The following VAMP7 variants were observed in gnomAD, a reference collection of about 807,000 sequenced individuals.
VAMP7 encodes vesicle-associated membrane protein 7.
VAMP7 carries 14 observed loss-of-function variants against 29.6 expected under a neutral mutation model. That is an observed-to-expected ratio of 0.47 (90% CI 0.31 to 0.74). The LOEUF (loss-of-function observed/expected upper bound fraction) is 0.74, where lower values mean the gene tolerates loss of function less well. VAMP7 is among the 30% of genes least tolerant of loss of function. VAMP7 has a pLI of 0.05. For missense variants in VAMP7, 223 were observed against 262.4 expected (o/e 0.85, Z 1.04); for synonymous variants, 95 against 88.1 (o/e 1.08, Z -0.44).
At chrX:155,899,645 T>A (rs140690594) in intron 4 of VAMP7, among the ~76,000 whole-genome samples, 2,530 of 152,024 alleles carry the variant, frequency 0.017, 83 homozygotes, top group African/African-American at 0.058. Context: ...TGTTTCATAC[T>A]CCCCACTAGG....
At position 155,895,608 on chromosome X, in the gene VAMP7, TC is replaced by T. The variant is rs1314809340; in HGVS notation, c.147-14del. The T allele has an allele frequency of 6.3e-7, 1 of 1,593,606 alleles. No individual in the cohort carries two copies. The highest frequency in any genetic ancestry group is 8.6e-7 in the Non-Finnish European group (1 of 1,161,716). On this transcript the variant is annotated splice_polypyrimidine_tract_variant and intron_variant, in intron 2 of 7. Coordinates refer to ENST00000286448, the MANE Select transcript of VAMP7 (RefSeq NM_005638.6). Reference sequence around the variant, plus strand: ...GCTTATAACCACAGTAAGTTTTATATCTTTTATTCTACAGTTATTTGTTTCA... The same window carrying T: ...GCTTATAACCACAGTAAGTTTTATATTTTTATTCTACAGTTATTTGTTTCA...
chrX:155,933,667 A>C (rs2066601013), intron 6 of VAMP7, among the ~76,000 whole-genome samples: 1 of 152,066 alleles, frequency 6.6e-6, no homozygotes, highest in Non-Finnish European at 1.5e-5. Context: ...TCCTGGATTC[A>C]TTGATTTCTT....
chrX:155,938,055 T>C (rs1166749851), intron 6 of VAMP7, among the ~76,000 whole-genome samples: 1 of 152,222 alleles, frequency 6.6e-6, no homozygotes, highest in Non-Finnish European at 1.5e-5. Flanking sequence ...TCTAATTTTT[T>C]ATGTCCTCTG....
intron 6 of VAMP7, among the ~76,000 whole-genome samples, chrX:155,923,737 G>C (rs1477273623): frequency 6.6e-6 from 1 of 151,822 alleles, no homozygotes; most frequent in Non-Finnish European, 1.5e-5. Context: ...GCTCTTTCTA[G>C]GCTTCCAGTG....
chrX:155,921,835 C>T (rs2066400100), intron 6 of VAMP7, among the ~76,000 whole-genome samples: 1 of 151,988 alleles, frequency 6.6e-6, no homozygotes, highest in Admixed American at 6.6e-5. Context: ...AGCTTGTTTT[C>T]CATCTCTTGA....
intron 3 of VAMP7, among the ~76,000 whole-genome samples, chrX:155,897,697 TAATATC>T (rs2066004482): frequency 6.6e-6 from 1 of 152,202 alleles, no homozygotes; most frequent in Non-Finnish European, 1.5e-5. Flanking sequence ...GATTTGAAGT[TAATATC>T]AGTAGTAGTA....
At chrX:155,912,545 G>C (rs959279440) in intron 5 of VAMP7, among the ~76,000 whole-genome samples, 1 of 150,238 alleles carries the variant, frequency 6.7e-6, no homozygotes, top group Non-Finnish European at 1.5e-5. Context: ...AGTGTGTGAT[G>C]TTCCCCTCCC....
chrX:155,937,427 C>T (rs2066677080), intron 6 of VAMP7, among the ~76,000 whole-genome samples: 1 of 151,888 alleles, frequency 6.6e-6, no homozygotes, highest in African/African-American at 2.4e-5. Flanking sequence ...CACCACATAC[C>T]CAAAAAAGTA....
Position 155,942,091 on chromosome X carries a change from C to T in VAMP7, c.*140C>T. ...TCTTCTCACTTTTTAAAATCTTGTT[C>T]CATGCCTCCAGGTTTATCTTTGTCT... On this transcript the variant is annotated 3_prime_UTR_variant, in exon 8 of 8. Transcript: ENST00000286448. 1 of 1,558,834 alleles carries T rather than the reference C, an allele frequency of 6.4e-7. No individual in the cohort carries two copies. Among genetic ancestry groups the T allele is most frequent in the South Asian group, 1.2e-5 (1 of 85,008 alleles).
chrX:155,887,519 T>C (rs180682031), intron 1 of VAMP7, among the ~76,000 whole-genome samples: 6,152 of 152,190 alleles, frequency 0.04, 193 homozygotes, highest in African/African-American at 0.078. Flanking sequence ...TAGAGGCTGT[T>C]GGTGACCTTA....
intron 1 of VAMP7, among the ~76,000 whole-genome samples, chrX:155,887,018 C>A (rs1054634383): frequency 6.6e-6 from 1 of 152,188 alleles, no homozygotes; most frequent in East Asian, 1.9e-4. Context: ...TTGTTCCTCT[C>A]TACTGTGTCT....
intron 5 of VAMP7, 89 bp from the exon 6 acceptor site, chrX:155,919,724 A>G (rs2066367762): frequency 2.6e-6 from 3 of 1,150,750 alleles, no homozygotes; most frequent in Non-Finnish European, 2.6e-6. Flanking sequence ...AGGACAGTGT[A>G]TTCATTAAGT....
intron 5 of VAMP7, among the ~76,000 whole-genome samples, chrX:155,913,347 C>A (rs2066265364): frequency 6.6e-6 from 1 of 152,028 alleles, no homozygotes; most frequent in East Asian, 1.9e-4. Context: ...ATGATAGTTT[C>A]TTTTGCTGTG....
intron 6 of VAMP7, among the ~76,000 whole-genome samples, chrX:155,925,776 A>C (rs1191439169): frequency 1.3e-5 from 2 of 152,172 alleles, no homozygotes; most frequent in Non-Finnish European, 2.9e-5. Context: ...CAGTGAGCAG[A>C]GGGGTGACTT....
At chrX:155,886,087 TCTTCC>T (rs1207365837) in intron 1 of VAMP7, among the ~76,000 whole-genome samples, 1 of 152,188 alleles carries the variant, frequency 6.6e-6, no homozygotes, top group Non-Finnish European at 1.5e-5. Flanking sequence ...TATCTTTTTT[TCTTCC>T]CTTCTCTCTC....
At chrX:155,903,414 A>C (rs2066098014) in intron 5 of VAMP7, among the ~76,000 whole-genome samples, 1 of 152,212 alleles carries the variant, frequency 6.6e-6, no homozygotes, top group South Asian at 2.1e-4. Flanking sequence ...CAGAGTGAAC[A>C]GACAACCTAC....
At chrX:155,921,989 C>T (rs1162074018) in intron 6 of VAMP7, among the ~76,000 whole-genome samples, 2 of 151,936 alleles carry the variant, frequency 1.3e-5, no homozygotes, top group African/African-American at 2.4e-5. Context: ...TTTTTCTCAG[C>T]AGTATTTTTT....
intron 7 of VAMP7, among the ~76,000 whole-genome samples, chrX:155,941,460 T>C (rs1400096610): frequency 6.6e-6 from 1 of 152,178 alleles, no homozygotes; most frequent in Non-Finnish European, 1.5e-5. Context: ...TTTTAAAATA[T>C]ATTCTTATAT....
At chrX:155,885,730 G>A (rs1188340114) in intron 1 of VAMP7, among the ~76,000 whole-genome samples, 2 of 152,166 alleles carry the variant, frequency 1.3e-5, no homozygotes, top group Admixed American at 6.5e-5. Flanking sequence ...CAGAGGTAAA[G>A]ATTGAAGTGC....
Sources: gnomAD v4.1 joint callset for allele counts (sites outside exome capture counted in the v4.1 genomes callset) on GRCh38, gnomAD v4.1.1 for gene constraint, MANE v1.5 for transcripts, NCBI Gene and HGNC (gene_info 2026-07-23, HGNC 2026-07-21) for gene names.